Variants in PCGF5 observed in about 807,000 individuals in gnomAD.
PCGF5 encodes the protein polycomb group ring finger 5, also known as polycomb group RING finger protein 5.
A neutral mutation model predicts 44.3 loss-of-function variants in PCGF5; 9 were observed. That is an observed-to-expected ratio of 0.20 (90% CI 0.12 to 0.35). PCGF5 has a LOEUF of 0.35. Ranked by LOEUF, PCGF5 falls within the 10% of genes least tolerant of loss-of-function variation. PCGF5 has a pLI of 1.00. For synonymous variants in PCGF5, 95 were observed against 102.5 expected (o/e 0.93, Z 0.44); for missense variants, 146 against 305.3 (o/e 0.48, Z 3.89).
chr10:91,195,961 C>T (rs905290092), intron 1 of PCGF5, among the ~76,000 whole-genome samples: 2 of 150,746 alleles, frequency 1.3e-5, no homozygotes, highest in Non-Finnish European at 2.9e-5. Flanking sequence ...TCCCACAGGA[C>T]ACCCTCCAAG....
intron 9 of PCGF5, among the ~76,000 whole-genome samples, chr10:91,276,958 A>T (rs7915347): frequency 0.13 from 19,850 of 152,134 alleles, 2,435 homozygotes; most frequent in African/African-American, 0.32. Flanking sequence ...CTCCCAGGTA[A>T]TCTGATTCAG....
Position 91,225,246 on chromosome 10 carries a change from A to G in PCGF5, c.112+2263A>G, listed in dbSNP as rs938259711. Among the ~76,000 whole-genome samples, 10 of 147,452 alleles carry G rather than the reference A, an allele frequency of 6.8e-5. No individual in the cohort carries two copies. In the East Asian group the frequency reaches 1.7e-3, roughly 26 times the overall value. On this transcript the variant is annotated intron_variant, in intron 2 of 9. Coordinates refer to ENST00000336126, the MANE Select transcript of PCGF5 (RefSeq NM_032373.5). ...GATATATATCATATATGTATATATGATATATATCGTATATATGTATATACG... is the reference window on the plus strand; with the variant it reads ...GATATATATCATATATGTATATATGGTATATATCGTATATATGTATATACG...
intron 1 of PCGF5, among the ~76,000 whole-genome samples, chr10:91,197,315 G>A (rs1189734433): frequency 2.6e-5 from 4 of 152,064 alleles, no homozygotes; most frequent in Non-Finnish European, 5.9e-5. Flanking sequence ...TGGGCTCCTC[G>A]GGCACGTCCC....
intron 1 of PCGF5, among the ~76,000 whole-genome samples, chr10:91,175,606 G>A (rs1843691950): frequency 6.6e-6 from 1 of 152,072 alleles, no homozygotes; most frequent in Admixed American, 6.5e-5. Flanking sequence ...AAATGAATAG[G>A]AGACATTGGA....
chr10:91,256,173 A>G (rs1845748986), intron 6 of PCGF5, among the ~76,000 whole-genome samples: 1 of 152,094 alleles, frequency 6.6e-6, no homozygotes, highest in Non-Finnish European at 1.5e-5. Flanking sequence ...GAAATTATCT[A>G]TTTAAATATG....
intron 6 of PCGF5, among the ~76,000 whole-genome samples, 194 bp from the exon 7 acceptor site, chr10:91,261,132 T>C (rs1845899189): frequency 6.6e-6 from 1 of 152,094 alleles, no homozygotes; most frequent in South Asian, 2.1e-4. Flanking sequence ...TCTTGAAGAA[T>C]GTCATGTAAG....
At position 91,282,311 on chromosome 10, in the gene PCGF5, C is replaced by G. The variant is rs1193940141; in HGVS notation, c.*3995C>G. On this transcript the variant is annotated 3_prime_UTR_variant, in exon 10 of 10. Transcript: ENST00000336126. ...ACCAGCTGGTTAACATGGTGAAACC[C>G]CATCTCTACTAAAAATACAAAAATT... 3.3e-5 allele frequency: 5 copies of G among 152,172 alleles called. No homozygotes were observed. Among genetic ancestry groups the G allele is most frequent in the Non-Finnish European group, 7.3e-5 (5 of 68,072 alleles). 9.4% of individuals were successfully genotyped at this position (152,172 alleles called of 1,614,324 possible). A position where few individuals can be genotyped will look rare whatever the true frequency, so the allele number is the denominator to read the frequency against.
upstream of PCGF5, among the ~76,000 whole-genome samples, chr10:91,216,620 A>G (rs1844545548): frequency 6.6e-6 from 1 of 152,192 alleles, no homozygotes; most frequent in Non-Finnish European, 1.5e-5. Flanking sequence ...ACTACTTAAG[A>G]GTTCATTGAG....
At chr10:91,227,010 C>T (rs1453631986) in intron 2 of PCGF5, among the ~76,000 whole-genome samples, 1 of 151,896 alleles carries the variant, frequency 6.6e-6, no homozygotes, top group African/African-American at 2.4e-5. Context: ...CCGCATTAAC[C>T]ATGGTTTACA....
At chr10:91,221,092 C>T (rs1844662976) in intron 1 of PCGF5, among the ~76,000 whole-genome samples, 2 of 151,564 alleles carry the variant, frequency 1.3e-5, no homozygotes, top group Non-Finnish European at 3.0e-5. Flanking sequence ...GCAGCGCGCC[C>T]GCGGGGCCTG....
chr10:91,235,308 G>A (rs2133326793), intron 2 of PCGF5, among the ~76,000 whole-genome samples: 1 of 152,274 alleles, frequency 6.6e-6, no homozygotes, highest in Non-Finnish European at 1.5e-5. Context: ...TGATGCAGTG[G>A]CCATTTTTCT....
At chr10:91,190,873 TTG>T (rs1844020447) in intron 1 of PCGF5, among the ~76,000 whole-genome samples, 1 of 152,244 alleles carries the variant, frequency 6.6e-6, no homozygotes, top group Non-Finnish European at 1.5e-5. Flanking sequence ...CTGCTGTCTT[TTG>T]TGTTTGTGTG....
At chr10:91,181,316 C>T (rs1843815388) in intron 1 of PCGF5, among the ~76,000 whole-genome samples, 1 of 152,152 alleles carries the variant, frequency 6.6e-6, no homozygotes, top group Non-Finnish European at 1.5e-5. Flanking sequence ...GATAGTTTGA[C>T]TTCCTCTTTT....
At chr10:91,218,080 C>A (rs913135299), upstream of PCGF5, among the ~76,000 whole-genome samples, 2 of 152,234 alleles carry the variant, frequency 1.3e-5, no homozygotes, top group African/African-American at 4.8e-5. Flanking sequence ...AGCCACCGTG[C>A]GCAGCCCTAA....
chr10:91,177,676 A>G (rs879623254), intron 1 of PCGF5, among the ~76,000 whole-genome samples: 2 of 152,220 alleles, frequency 1.3e-5, no homozygotes, highest in Admixed American at 6.5e-5. Flanking sequence ...GCAATGAGCG[A>G]GGCTCCATAG....
upstream of PCGF5, among the ~76,000 whole-genome samples, chr10:91,162,738 G>C (rs886083461): frequency 3.0e-4 from 45 of 151,542 alleles, no homozygotes; most frequent in African/African-American, 1.1e-3. Context: ...AGGCCTGGCG[G>C]GCGGCGGCGA....
At position 91,251,439 on chromosome 10, in the gene PCGF5, A is replaced by T. The variant is rs772638785; in HGVS notation, c.473A>T (p.Lys158Met). 1.3e-5 allele frequency: 21 copies of T among 1,609,980 alleles called. No individual in the cohort carries two copies. The highest frequency in any genetic ancestry group is 1.8e-5 in the Non-Finnish European group (21 of 1,177,316). The change falls in exon 6 of 10, where the codon AAG becomes ATG. Residue 158 changes from lysine (K) to methionine (M), a missense_variant and splice_region_variant. Lys to Met is a moderately conservative substitution (Grantham distance 95, BLOSUM62 -1). Coordinates refer to ENST00000336126, the MANE Select transcript of PCGF5 (RefSeq NM_032373.5). ...GGGCAATCAGGGGACAATGTAGTAA[A>T]GGTGAGTGAACAAGTACTATGGTAT... is the stretch of plus-strand genomic sequence containing the variant. Reference protein sequence around the residue: ...NNGQSGDNVVKGLMKKFIRCS... With the variant: ...NNGQSGDNVVMGLMKKFIRCS...
At chr10:91,218,278 T>A (rs74150612), upstream of PCGF5, among the ~76,000 whole-genome samples, 4,308 of 152,294 alleles carry the variant, frequency 0.028, 192 homozygotes, top group African/African-American at 0.099. Flanking sequence ...CTGAAGTACA[T>A]TATTGATAAG....
chr10:91,174,094 A>T (rs1843660511), intron 1 of PCGF5, among the ~76,000 whole-genome samples: 2 of 150,362 alleles, frequency 1.3e-5, no homozygotes, highest in African/African-American at 4.9e-5. Flanking sequence ...TTCATATCTA[A>T]CCTACAGTGG....
Sources: allele counts gnomAD v4.1 joint callset (sites outside exome capture counted in the v4.1 genomes callset), GRCh38; gene constraint gnomAD v4.1.1; transcripts MANE v1.5; gene names NCBI Gene and HGNC (gene_info 2026-07-23, HGNC 2026-07-21).